Variants in ADAM32 observed in about 807,000 individuals in gnomAD.
ADAM32 encodes the protein disintegrin and metalloproteinase domain-containing protein 32.
A neutral mutation model predicts 114.9 loss-of-function variants in ADAM32; 89 were observed. That is an observed-to-expected ratio of 0.77 (90% CI 0.65 to 0.92). The LOEUF (loss-of-function observed/expected upper bound fraction) is 0.92, where lower values mean the gene tolerates loss of function less well. ADAM32 is among the 40% of genes least tolerant of loss of function. The probability of loss-of-function intolerance (pLI) is 0.00; values close to 1 mark genes in which losing one functional copy is unlikely to be tolerated. For synonymous variants in ADAM32, 285 were observed against 307.5 expected (o/e 0.93, Z 0.77); for missense variants, 870 against 932.8 (o/e 0.93, Z 0.88).
intron 11 of ADAM32, among the ~76,000 whole-genome samples, chr8:39,203,436 A>G (rs895687381): frequency 6.6e-6 from 1 of 152,164 alleles, no homozygotes; most frequent in Admixed American, 6.5e-5. Context: ...TCTGTTTATC[A>G]GAGACTAGGA....
chr8:39,177,958 T>G (rs1263312771), intron 10 of ADAM32, among the ~76,000 whole-genome samples: 2 of 152,006 alleles, frequency 1.3e-5, no homozygotes, highest in African/African-American at 4.8e-5. Context: ...TTTTTTACTT[T>G]CAGTTTGACC....
At chr8:39,175,183 T>G (rs1213429012) in intron 10 of ADAM32, among the ~76,000 whole-genome samples, 4 of 152,086 alleles carry the variant, frequency 2.6e-5, no homozygotes, top group Non-Finnish European at 5.9e-5. Flanking sequence ...ATTTTTTTAT[T>G]TTGCCTTATT....
At chr8:39,173,195 T>C (rs1805300877) in intron 10 of ADAM32, among the ~76,000 whole-genome samples, 1 of 152,158 alleles carries the variant, frequency 6.6e-6, no homozygotes, top group Admixed American at 6.6e-5. Context: ...GAGGCAGAGG[T>C]TGCAGTAAGC....
intron 4 of ADAM32, among the ~76,000 whole-genome samples, chr8:39,148,318 A>T (rs971420372): frequency 5.9e-5 from 9 of 152,052 alleles, no homozygotes; most frequent in African/African-American, 2.2e-4. Context: ...CAAAGACTTC[A>T]TACTTTCTAT....
chr8:39,133,012 A>G (rs1802555898), intron 2 of ADAM32, among the ~76,000 whole-genome samples: 1 of 151,992 alleles, frequency 6.6e-6, no homozygotes, highest in Non-Finnish European at 1.5e-5. Context: ...TTTTCCTTCA[A>G]ATTTTGAATG....
At chr8:39,178,009 T>G (rs1369117349) in intron 10 of ADAM32, among the ~76,000 whole-genome samples, 1 of 152,104 alleles carries the variant, frequency 6.6e-6, no homozygotes, top group Non-Finnish European at 1.5e-5. Context: ...GCTGAACTTC[T>G]CATGGAGTAT....
At chr8:39,238,344 T>C (rs1006178278) in intron 16 of ADAM32, among the ~76,000 whole-genome samples, 3 of 152,218 alleles carry the variant, frequency 2.0e-5, no homozygotes, top group African/African-American at 7.2e-5. Flanking sequence ...CACTGTGGTC[T>C]GGCTCTCAGG....
chr8:39,238,148 A>G (rs1386409810), intron 16 of ADAM32, among the ~76,000 whole-genome samples: 2 of 152,252 alleles, frequency 1.3e-5, no homozygotes, highest in South Asian at 2.1e-4. Flanking sequence ...AAACAAGACT[A>G]TAACCAAGGA....
At chr8:39,146,060 A>G (rs1016543694) in intron 3 of ADAM32, among the ~76,000 whole-genome samples, 2 of 152,046 alleles carry the variant, frequency 1.3e-5, no homozygotes, top group East Asian at 1.9e-4. Context: ...TTGACATAAT[A>G]CTGTCTTTTG....
chr8:39,213,719 T>G (rs2129448459), intron 12 of ADAM32, among the ~76,000 whole-genome samples: 1 of 152,268 alleles, frequency 6.6e-6, no homozygotes, highest in East Asian at 1.9e-4. Flanking sequence ...TACAACTAGA[T>G]TATTTTTGAC....
Position 39,234,541 on chromosome 8 carries a change from A to C in ADAM32, c.1818+459A>C, listed in dbSNP as rs780673625. 8.1e-4 allele frequency among the ~76,000 whole-genome samples: 123 copies of C among 152,284 alleles called. 1 individual carries two copies. Among genetic ancestry groups the C allele is most frequent in the Admixed American group, 2.9e-3 (45 of 15,294 alleles). On this transcript the variant is annotated intron_variant, in intron 16 of 24. Transcript: ENST00000379907. ...TTATCTAGCTAGTCTGAGATATCTC[A>C]ACTGTACATAAAGTAGGGATAATAA...
chr8:39,236,642 T>C (rs6982627), intron 16 of ADAM32, among the ~76,000 whole-genome samples: 12,964 of 152,160 alleles, frequency 0.085, 1,892 homozygotes, highest in African/African-American at 0.3. Flanking sequence ...TTTGTAATAA[T>C]TGATGAGCTT....
At position 39,165,070 on chromosome 8, in the gene ADAM32, T is replaced by C; in HGVS notation, c.707T>C (p.Leu236Ser). The change falls in exon 9 of 25, where the codon TTG becomes TCG. Residue 236 changes from leucine (L) to serine (S), a missense_variant. Leu to Ser is a moderately radical substitution (Grantham distance 145, BLOSUM62 -2). Transcript: ENST00000379907. ...QFKVTIVLSS[L>S]ELWSDENKIS... is the part of the protein sequence containing the mutation. Reference sequence around the variant, plus strand: ...AAAGTTACTATTGTGCTGTCATCATTGGAGTTATGGTCAGATGAAAATAAG... The same window carrying C: ...AAAGTTACTATTGTGCTGTCATCATCGGAGTTATGGTCAGATGAAAATAAG... 6.2e-7 allele frequency: 1 copy of C among 1,609,232 alleles called. No individual in the cohort carries two copies. Among genetic ancestry groups the C allele is most frequent in the Non-Finnish European group, 8.5e-7 (1 of 1,177,848 alleles).
chr8:39,142,132 G>A (rs181032648), intron 3 of ADAM32, among the ~76,000 whole-genome samples: 29 of 152,268 alleles, frequency 1.9e-4, no homozygotes, highest in African/African-American at 6.3e-4. Context: ...ACAGCACACC[G>A]ATGGGTCTTG....
intron 1 of ADAM32, among the ~76,000 whole-genome samples, chr8:39,110,080 G>GT (rs1588452914): frequency 6.6e-6 from 1 of 151,592 alleles, no homozygotes; most frequent in South Asian, 2.1e-4. Flanking sequence ...TTACTTAATT[G>GT]TTTTTTTGAG....
chr8:39,245,111 A>G (rs2129450016), intron 16 of ADAM32, among the ~76,000 whole-genome samples: 1 of 152,336 alleles, frequency 6.6e-6, no homozygotes, highest in South Asian at 2.1e-4. Context: ...ATACCATGGA[A>G]TCCTACTCAG....
intron 11 of ADAM32, among the ~76,000 whole-genome samples, chr8:39,198,261 C>T (rs536593904): frequency 5.3e-5 from 8 of 151,862 alleles, no homozygotes; most frequent in Admixed American, 1.3e-4. Context: ...TTCAGCCAGT[C>T]TATATTTTTT....
intron 11 of ADAM32, among the ~76,000 whole-genome samples, chr8:39,204,390 A>G (rs961602534): frequency 1.3e-5 from 2 of 152,180 alleles, no homozygotes; most frequent in East Asian, 1.9e-4. Context: ...TTGATCTTCA[A>G]TCACTGATAC....
intron 18 of ADAM32, among the ~76,000 whole-genome samples, chr8:39,255,890 G>C (rs1034840147): frequency 5.3e-5 from 8 of 151,882 alleles, no homozygotes; most frequent in African/African-American, 1.9e-4. Context: ...TCCCTCTTGA[G>C]TTGATGTTTG....
Sources: gnomAD v4.1 joint callset for allele counts (sites outside exome capture counted in the v4.1 genomes callset) on GRCh38, gnomAD v4.1.1 for gene constraint, MANE v1.5 for transcripts, NCBI Gene and HGNC (gene_info 2026-07-23, HGNC 2026-07-21) for gene names.